Variants in SPMIP4 observed in about 807,000 individuals in gnomAD.
The protein encoded by SPMIP4 is sperm-associated microtubule inner protein 4.
chr7:25,160,253 G>GAATTTCCATTATTAATA, the SPMIP4 span, among the ~76,000 whole-genome samples: 1 of 67,922 alleles, frequency 1.5e-5, no homozygotes, highest in African/African-American at 3.0e-5. Context: ...TCTTAATAAA[G>GAATTTCCATTATTAATA]AAGTGATAGT....
chr7:25,134,964 C>CT, the SPMIP4 span: 1 of 984,890 alleles, frequency 1.0e-6, no homozygotes, highest in Non-Finnish European at 1.2e-6. Flanking sequence ...AAAAAATTCT[C>CT]TAACTTTAGC....
At chr7:25,175,601 G>A in the SPMIP4 span, among the ~76,000 whole-genome samples, 1 of 152,210 alleles carries the variant, frequency 6.6e-6, no homozygotes, top group African/African-American at 2.4e-5. Flanking sequence ...TTGAAAAAGG[G>A]TGTCCCTTTA....
chr7:25,152,780 G>A, the SPMIP4 span, among the ~76,000 whole-genome samples: 1 of 118,536 alleles, frequency 8.4e-6, no homozygotes, highest in Admixed American at 1.1e-4. Context: ...GAGTCTCTCT[G>A]TCACCCAGGC....
the SPMIP4 span, among the ~76,000 whole-genome samples, chr7:25,170,438 G>A: frequency 3.3e-5 from 5 of 152,140 alleles, no homozygotes; most frequent in Admixed American, 6.5e-5. Flanking sequence ...TAAGTCCCTT[G>A]TCAGGGATAA....
chr7:25,145,597 T>C, the SPMIP4 span, among the ~76,000 whole-genome samples: 1 of 152,210 alleles, frequency 6.6e-6, no homozygotes, highest in Non-Finnish European at 1.5e-5. Flanking sequence ...ATATGGAAGA[T>C]AAGCCTACGG....
chr7:25,157,679 G>A, the SPMIP4 span, among the ~76,000 whole-genome samples: 1 of 152,108 alleles, frequency 6.6e-6, no homozygotes, highest in Non-Finnish European at 1.5e-5. Flanking sequence ...TTAAAACAAG[G>A]GAAGTCTGAG....
At chr7:25,134,941 G>A in the SPMIP4 span, 1 of 985,358 alleles carries the variant, frequency 1.0e-6, no homozygotes, top group South Asian at 4.7e-5. Context: ...GTGCTGTACA[G>A]AATGCAGTTG....
At chr7:25,162,150 A>T in the SPMIP4 span, among the ~76,000 whole-genome samples, 3 of 151,816 alleles carry the variant, frequency 2.0e-5, no homozygotes, top group Non-Finnish European at 4.4e-5. Context: ...CCACACCTGT[A>T]ATCCCAGCTA....
chr7:25,135,361 CAG>C, the SPMIP4 span: 15 of 985,452 alleles, frequency 1.5e-5, no homozygotes, highest in Non-Finnish European at 1.8e-5. Context: ...TGTGTACATG[CAG>C]AGAGTTTTGG....
the SPMIP4 span, among the ~76,000 whole-genome samples, chr7:25,158,845 A>T: frequency 6.8e-6 from 1 of 146,398 alleles, no homozygotes. Flanking sequence ...ACAGAGCAAA[A>T]GTCTGTCTCA....
the SPMIP4 span, among the ~76,000 whole-genome samples, chr7:25,126,722 C>T: frequency 1.3e-5 from 2 of 152,204 alleles, no homozygotes; most frequent in South Asian, 2.1e-4. Context: ...ACAGTTTACA[C>T]ACAATTACAG....
chr7:25,154,448 T>A, the SPMIP4 span, among the ~76,000 whole-genome samples: 1 of 152,208 alleles, frequency 6.6e-6, no homozygotes, highest in East Asian at 1.9e-4. Context: ...AGAGATTCGA[T>A]GACTAGTGTA....
chr7:25,129,099 C>A, the SPMIP4 span, among the ~76,000 whole-genome samples: 1 of 152,218 alleles, frequency 6.6e-6, no homozygotes, highest in South Asian at 2.1e-4. Context: ...GTGCCTGTGG[C>A]TTGGAGAAGG....
chr7:25,146,289 T>C, the SPMIP4 span, among the ~76,000 whole-genome samples: 1 of 152,028 alleles, frequency 6.6e-6, no homozygotes, highest in Non-Finnish European at 1.5e-5. Flanking sequence ...CTGCCTGAGA[T>C]GGAATGGTGG....
chr7:25,163,870 C>T, the SPMIP4 span, among the ~76,000 whole-genome samples: 1 of 152,214 alleles, frequency 6.6e-6, no homozygotes, highest in Non-Finnish European at 1.5e-5. The surrounding 1 kb of genome is among the most constrained non-coding windows in gnomAD (Gnocchi z 4.4). Flanking sequence ...AGTAAACTTA[C>T]TAAATGTCTC....
chr7:25,166,014 C>A, the SPMIP4 span, among the ~76,000 whole-genome samples: 1 of 152,124 alleles, frequency 6.6e-6, no homozygotes, highest in Non-Finnish European at 1.5e-5. Flanking sequence ...TTTGAGTTGA[C>A]TGTGAGTAGC....
At chr7:25,173,354 C>T in the SPMIP4 span, among the ~76,000 whole-genome samples, 2 of 152,198 alleles carry the variant, frequency 1.3e-5, no homozygotes, top group African/African-American at 4.8e-5. This position sits in a 1 kb window ranked among gnomAD's most constrained non-coding sequence, Gnocchi z 4.4. Flanking sequence ...ACTCCCTGCC[C>T]GTTTTTGTAA....
chr7:25,140,114 A>T, the SPMIP4 span, among the ~76,000 whole-genome samples: 11 of 152,206 alleles, frequency 7.2e-5, no homozygotes, highest in Non-Finnish European at 1.5e-4. Context: ...ACCTGACAAC[A>T]TATGTTCATA....
the SPMIP4 span, among the ~76,000 whole-genome samples, chr7:25,166,123 C>T: frequency 6.6e-6 from 1 of 152,146 alleles, no homozygotes; most frequent in African/African-American, 2.4e-5. Flanking sequence ...GAGGCCAGTC[C>T]TGGGAGTGAG....
Sources: allele counts gnomAD v4.1 joint callset (sites outside exome capture counted in the v4.1 genomes callset), GRCh38; gene constraint gnomAD v4.1.1; non-coding constraint Gnocchi (gnomAD v3.1); transcripts MANE v1.5; gene names NCBI Gene and HGNC (gene_info 2026-07-23, HGNC 2026-07-21).